Variants in PDE7B observed in about 807,000 individuals in gnomAD.
The protein encoded by PDE7B is phosphodiesterase 7B, also known as 3',5'-cyclic-AMP phosphodiesterase 7B.
A neutral mutation model predicts 56.2 loss-of-function variants in PDE7B; 29 were observed. That is an observed-to-expected ratio of 0.52 (90% CI 0.38 to 0.70). The LOEUF is 0.70. Ranked by LOEUF, PDE7B falls within the 30% of genes least tolerant of loss-of-function variation. PDE7B has a pLI of 0.00. For missense variants in PDE7B, 490 were observed against 565.0 expected (o/e 0.87, Z 1.35); for synonymous variants, 197 against 196.9 (o/e 1.00, Z 0.00).
chr6:136,153,966 A>G, intron 6 of PDE7B, 109 bp from the exon 7 acceptor site: 1 of 693,654 alleles, frequency 1.4e-6, no homozygotes, highest in South Asian at 1.7e-5. Flanking sequence ...TATGCTGCAC[A>G]TTTTGGAGGC....
In PDE7B at chr6:136,138,373, G is replaced by A. The variant is rs1583902124; in HGVS notation, c.167-8978G>A. On this transcript the variant is annotated intron_variant, in intron 3 of 12. Transcript: ENST00000308191. ...CAGGACCTTGTACTATTATACAGAG[G>A]GTGCTTTATTCAGATTGTTATATGA... Among the ~76,000 whole-genome samples the A allele has an allele frequency of 3.3e-5, 5 of 151,962 alleles. No homozygotes were observed. The South Asian group carries it at 1.0e-3, about 32-fold the overall frequency.
At chr6:136,050,344 C>G (rs1776602131) in intron 2 of PDE7B, among the ~76,000 whole-genome samples, 1 of 151,536 alleles carries the variant, frequency 6.6e-6, no homozygotes, top group Non-Finnish European at 1.5e-5. Flanking sequence ...AGTCCCAAGC[C>G]CTCTCTGTGA....
intron 1 of PDE7B, among the ~76,000 whole-genome samples, chr6:135,876,562 A>G (rs1477953572): frequency 1.3e-5 from 2 of 152,190 alleles, no homozygotes; most frequent in Non-Finnish European, 2.9e-5. Flanking sequence ...AGATATGTTC[A>G]ATATCCTCAT....
chr6:135,918,423 A>G (rs1773999846), intron 1 of PDE7B, among the ~76,000 whole-genome samples: 1 of 152,172 alleles, frequency 6.6e-6, no homozygotes, highest in Non-Finnish European at 1.5e-5. Context: ...CCATATCATT[A>G]TTTATGAATC....
intron 8 of PDE7B, chr6:136,166,359 A>G (rs941891746): frequency 6.6e-6 from 1 of 152,278 alleles, no homozygotes; most frequent in East Asian, 1.9e-4. Flanking sequence ...TTCCACTTGT[A>G]TATTAGTTCC....
chr6:136,076,426 T>C (rs1014156253), intron 2 of PDE7B, among the ~76,000 whole-genome samples: 2 of 152,014 alleles, frequency 1.3e-5, no homozygotes, highest in Non-Finnish European at 2.9e-5. Context: ...TGAGCCAAGA[T>C]TGCGCCATTA....
intron 1 of PDE7B, among the ~76,000 whole-genome samples, chr6:135,894,596 T>C (rs1009737322): frequency 5.3e-5 from 8 of 152,118 alleles, no homozygotes; most frequent in East Asian, 1.9e-4. Flanking sequence ...CCAAGGACAA[T>C]AGCCTCCCAC....
chr6:136,161,235 T>G (rs766406634), intron 8 of PDE7B, among the ~76,000 whole-genome samples: 73 of 152,266 alleles, frequency 4.8e-4, no homozygotes, highest in Non-Finnish European at 3.7e-4. Flanking sequence ...TACAAGCCCC[T>G]CCTATGAGAT....
intron 2 of PDE7B, among the ~76,000 whole-genome samples, chr6:136,045,529 G>A (rs1258038330): frequency 6.6e-6 from 1 of 152,146 alleles, no homozygotes; most frequent in East Asian, 1.9e-4. Context: ...CAAATGCTGA[G>A]GGGTACTCCA....
At chr6:136,190,080 A>G (rs1278953537) in intron 12 of PDE7B, among the ~76,000 whole-genome samples, 1 of 152,226 alleles carries the variant, frequency 6.6e-6, no homozygotes, top group East Asian at 1.9e-4. Context: ...GAACTTCAGA[A>G]TAGTATAATT....
At chr6:136,084,631 G>T (rs996366227) in intron 2 of PDE7B, among the ~76,000 whole-genome samples, 1 of 152,182 alleles carries the variant, frequency 6.6e-6, no homozygotes, top group Non-Finnish European at 1.5e-5. Context: ...AGGTAGTTGT[G>T]AAACATTTTG....
chr6:135,978,626 T>G (rs1163355618), intron 2 of PDE7B, among the ~76,000 whole-genome samples: 1 of 152,262 alleles, frequency 6.6e-6, no homozygotes, highest in South Asian at 2.1e-4. Context: ...AACATACGAC[T>G]GTACAAAAAA....
intron 1 of PDE7B, among the ~76,000 whole-genome samples, chr6:135,901,254 AAAT>A (rs1227573889): frequency 6.6e-6 from 1 of 152,170 alleles, no homozygotes; most frequent in African/African-American, 2.4e-5. Flanking sequence ...CAAACTAGCT[AAAT>A]AATAAGTAAC....
chr6:136,095,768 A>C (rs2128216602), intron 2 of PDE7B: 1 of 152,332 alleles, frequency 6.6e-6, no homozygotes, highest in Non-Finnish European at 1.5e-5. Context: ...TGGGCAAAGT[A>C]ATTTAACAGC....
chr6:136,189,126 A>G (rs1009264106), intron 12 of PDE7B, among the ~76,000 whole-genome samples: 2 of 150,230 alleles, frequency 1.3e-5, no homozygotes, highest in African/African-American at 4.9e-5. Context: ...CCTCAATCCA[A>G]AATGAGAATT....
chr6:135,908,479 C>A (rs1430719629), intron 1 of PDE7B, among the ~76,000 whole-genome samples: 1 of 151,820 alleles, frequency 6.6e-6, no homozygotes, highest in Admixed American at 6.6e-5. Context: ...AAGTTTACTC[C>A]TAGATATTTA....
chr6:135,900,335 T>G (rs1298267848), intron 1 of PDE7B, among the ~76,000 whole-genome samples: 2 of 152,076 alleles, frequency 1.3e-5, no homozygotes, highest in African/African-American at 2.4e-5. Flanking sequence ...TTTAAGTGGG[T>G]TTTTTATATG....
At chr6:136,043,044 T>G (rs771846655) in intron 2 of PDE7B, among the ~76,000 whole-genome samples, 3 of 152,214 alleles carry the variant, frequency 2.0e-5, no homozygotes, top group Non-Finnish European at 4.4e-5. Context: ...CACTTTCAAA[T>G]ACTCATTGGT....
intron 2 of PDE7B, among the ~76,000 whole-genome samples, chr6:135,994,116 C>CTGTGTGTGTGTGTGTGTGTGTG (rs3220309): frequency 2.2e-5 from 3 of 138,636 alleles, no homozygotes; most frequent in Non-Finnish European, 1.6e-5. Flanking sequence ...TGTATTGGAT[C>CTGTGTGTGTGTGTGTGTGTGTG]TGTGTGTGTG....
Sources: allele counts gnomAD v4.1 joint callset (sites outside exome capture counted in the v4.1 genomes callset), GRCh38; gene constraint gnomAD v4.1.1; transcripts MANE v1.5; gene names NCBI Gene and HGNC (gene_info 2026-07-23, HGNC 2026-07-21).